SLCO4C1: variants seen among roughly 807,000 people sequenced by gnomAD.
SLCO4C1 encodes the protein organic anion transporter M1.
A neutral mutation model predicts 72.1 loss-of-function variants in SLCO4C1; 58 were observed. The observed-to-expected ratio is 0.80, with a 90% CI of 0.65 to 1.00. SLCO4C1 has a LOEUF of 1.00. Among genes scored for constraint, SLCO4C1 ranks in the 50% least tolerant of loss-of-function variants. SLCO4C1 has a pLI of 0.00. For missense variants in SLCO4C1, 898 were observed against 857.9 expected (o/e 1.05, Z -0.58); for synonymous variants, 297 against 312.5 (o/e 0.95, Z 0.52).
intron 2 of SLCO4C1, among the ~76,000 whole-genome samples, chr5:102,276,245 C>T (rs1274549947): frequency 2.0e-5 from 3 of 152,172 alleles, no homozygotes; most frequent in Non-Finnish European, 4.4e-5. Flanking sequence ...TTAGCATCCA[C>T]TTTTATCTTC....
At chr5:102,283,694 C>T (rs1275477273) in intron 2 of SLCO4C1, among the ~76,000 whole-genome samples, 2 of 151,676 alleles carry the variant, frequency 1.3e-5, no homozygotes, top group African/African-American at 2.4e-5. Context: ...CAGAGCACTT[C>T]ATTTTATATA....
chr5:102,265,995 G>A (rs1749031579), intron 3 of SLCO4C1, among the ~76,000 whole-genome samples: 1 of 152,038 alleles, frequency 6.6e-6, no homozygotes. Flanking sequence ...TGTCATCAGT[G>A]TTTTGTAGTT....
At chr5:102,274,275 C>T (rs960290047) in intron 2 of SLCO4C1, among the ~76,000 whole-genome samples, 19 of 152,166 alleles carry the variant, frequency 1.2e-4, no homozygotes, top group African/African-American at 3.9e-4. Flanking sequence ...GAAGCTCCTA[C>T]GTTGTTTATA....
intron 2 of SLCO4C1, among the ~76,000 whole-genome samples, chr5:102,285,246 TACACACATATATAC>T (rs1270182865): frequency 1.9e-3 from 242 of 124,300 alleles, no homozygotes; most frequent in African/African-American, 8.1e-3. Context: ...CACAAATATA[TACACACATATATAC>T]ACACACACAC....
At chr5:102,282,885 T>C (rs537973041) in intron 2 of SLCO4C1, among the ~76,000 whole-genome samples, 5 of 151,698 alleles carry the variant, frequency 3.3e-5, no homozygotes, top group Admixed American at 1.3e-4. Flanking sequence ...TGAAAACTCT[T>C]TCTTTCTTTC....
At chr5:102,272,886 G>A (rs1409182609) in intron 2 of SLCO4C1, among the ~76,000 whole-genome samples, 2 of 152,036 alleles carry the variant, frequency 1.3e-5, no homozygotes, top group Admixed American at 6.6e-5. Flanking sequence ...AACCCGGGAG[G>A]AGGAGGTTGC....
chr5:102,280,689 C>T (rs1217582082), intron 2 of SLCO4C1, among the ~76,000 whole-genome samples: 3 of 152,086 alleles, frequency 2.0e-5, no homozygotes, highest in Non-Finnish European at 2.9e-5. Flanking sequence ...GTACATCTTA[C>T]ATGGTCGCAG....
At chr5:102,262,851 G>T (rs557834191) in intron 4 of SLCO4C1, among the ~76,000 whole-genome samples, 5 of 152,278 alleles carry the variant, frequency 3.3e-5, no homozygotes, top group African/African-American at 1.2e-4. Context: ...TTTATAGGCT[G>T]TGAAAGATTA....
At chr5:102,249,592 A>G in intron 9 of SLCO4C1, 46 bp downstream of exon 9, 2 of 1,604,992 alleles carry the variant, frequency 1.2e-6, no homozygotes. Flanking sequence ...AAGATAATCC[A>G]CAAACATATT....
chr5:102,271,056 A>T lies in SLCO4C1; in HGVS notation c.620-250T>A, dbSNP rs375268803. 1.5e-4 allele frequency among the ~76,000 whole-genome samples: 23 copies of T among 152,162 alleles called. No homozygotes were observed. In the East Asian group the frequency reaches 1.9e-3, roughly 13 times the overall value. The stretch of plus-strand genomic sequence containing the variant: ...TTAGATGGGGGTAACCACTGTCAAC[A>T]GTTCTTTTCAGTTTTTCAGACATTT... On this transcript the variant is annotated intron_variant, in intron 2 of 12. Coordinates refer to ENST00000310954, the MANE Select transcript of SLCO4C1 (RefSeq NM_180991.5).
At chr5:102,277,680 G>A (rs1012660173) in intron 2 of SLCO4C1, among the ~76,000 whole-genome samples, 6 of 152,036 alleles carry the variant, frequency 3.9e-5, no homozygotes, top group African/African-American at 1.2e-4. Flanking sequence ...CTTGGACTTC[G>A]ATGCCACTCG....
At position 102,260,242 on chromosome 5, in the gene SLCO4C1, T is replaced by A; in HGVS notation, c.1099A>T (p.Ser367Cys). Residue 367 changes from serine to cysteine, a missense_variant, in exon 6 of 13, where the codon AGT becomes TGT. Ser to Cys is a moderately radical substitution (Grantham distance 112). Transcript: ENST00000310954. ...NSNADVKFGK[S>C]IKDFPAALKN... is the part of the protein sequence containing the mutation. ...AGAGCAGCTGGAAAATCTTTAATAC[T>A]TTTTCCAAATTTCACATCTGCATTA... The A allele has an allele frequency of 7.2e-7, 1 of 1,392,656 alleles. No individual in the cohort carries two copies. The highest frequency in any genetic ancestry group is 9.4e-7 in the Non-Finnish European group (1 of 1,063,636). The allele number at this position is 1,392,656 out of a possible 1,614,324, so 86.3% of individuals were successfully genotyped here.
rs1310651183 is a variant in SLCO4C1 at position 102,294,238 on chromosome 5, G to T, written c.355+1670C>A. Among the ~76,000 whole-genome samples the T allele has an allele frequency of 2.0e-5, 3 of 151,970 alleles. No individual in the cohort carries two copies. The East Asian group carries it at 5.8e-4, about 30-fold the overall frequency. On this transcript the variant is annotated intron_variant, in intron 1 of 12. Coordinates refer to ENST00000310954, the MANE Select transcript of SLCO4C1 (RefSeq NM_180991.5). ...TTTTTTGTATTTTTAGTAGAGACGG[G>T]TTTCACCATGTTGGCCAGGCTGGTA...
chr5:102,279,921 G>A (rs1022118863), intron 2 of SLCO4C1, among the ~76,000 whole-genome samples: 1 of 151,844 alleles, frequency 6.6e-6, no homozygotes, highest in Non-Finnish European at 1.5e-5. Context: ...CTCAGAAAAA[G>A]AGGAATAGAG....
At chr5:102,278,174 T>C (rs1163505863) in intron 2 of SLCO4C1, among the ~76,000 whole-genome samples, 2 of 152,044 alleles carry the variant, frequency 1.3e-5, no homozygotes, top group African/African-American at 4.8e-5. Context: ...AAAAAACATA[T>C]CATCCAAGCA....
At chr5:102,273,212 A>T (rs1180051269) in intron 2 of SLCO4C1, among the ~76,000 whole-genome samples, 1 of 152,164 alleles carries the variant, frequency 6.6e-6, no homozygotes, top group Non-Finnish European at 1.5e-5. Flanking sequence ...AGAGAAAATT[A>T]CAGATATAGA....
chr5:102,286,071 C>A (rs1749446295), intron 2 of SLCO4C1, among the ~76,000 whole-genome samples: 1 of 151,982 alleles, frequency 6.6e-6, no homozygotes, highest in Non-Finnish European at 1.5e-5. Flanking sequence ...ATTTTCCTAG[C>A]ACAGCTTTTG....
chr5:102,258,017 C>A lies in SLCO4C1; in HGVS notation c.1199G>T (p.Gly400Val), dbSNP rs770842754. ...AAATTTAGGTAAAAATGTAGCAAATCCAGTAGTAATTAAGGCTTCTGAAGA... is the reference window on the plus strand; with the variant it reads ...AAATTTAGGTAAAAATGTAGCAAATACAGTAGTAATTAAGGCTTCTGAAGA... ...STSSEALITT[G>V]FATFLPKFIE... The change falls in exon 7 of 13, where the codon GGA becomes GTA. Residue 400 changes from glycine to valine, a missense_variant. By Grantham distance (109) the Gly-to-Val change is moderately radical (BLOSUM62 -3). Transcript: ENST00000310954. 1.2e-6 allele frequency: 2 copies of A among 1,607,774 alleles called. No homozygotes were observed. The highest frequency in any genetic ancestry group is 1.7e-6 in the Non-Finnish European group (2 of 1,177,774).
intron 2 of SLCO4C1, among the ~76,000 whole-genome samples, chr5:102,274,726 C>T (rs913016445): frequency 1.4e-4 from 22 of 152,264 alleles, no homozygotes; most frequent in African/African-American, 5.1e-4. Flanking sequence ...GGTGCTTTGA[C>T]GTGGCTAACT....
Sources: allele counts gnomAD v4.1 joint callset (sites outside exome capture counted in the v4.1 genomes callset), GRCh38; gene constraint gnomAD v4.1.1; transcripts MANE v1.5; gene names NCBI Gene and HGNC (gene_info 2026-07-23, HGNC 2026-07-21).